Variants in THRB observed in about 807,000 individuals in gnomAD.
The protein encoded by THRB is thyroid hormone receptor beta.
Under a neutral mutation model 47.8 loss-of-function variants are expected in THRB, and 12 were observed. The ratio of observed to expected loss-of-function variants is 0.25; its 90% CI spans 0.16 to 0.41. The LOEUF is 0.41. Among genes scored for constraint, THRB ranks in the 10% least tolerant of loss-of-function variants. The pLI, the probability that THRB is intolerant of heterozygous loss-of-function variation, is 1.00. For missense variants in THRB, 348 were observed against 589.2 expected, an observed-to-expected ratio of 0.59 and a Z score of 4.24; for synonymous variants, 218 against 212.2, an observed-to-expected ratio of 1.03 and a Z score of -0.24.
At chr3:24,161,430 GGA>G (rs1436102983) in intron 5 of THRB, among the ~76,000 whole-genome samples, 1 of 152,064 alleles carries the variant, frequency 6.6e-6, no homozygotes, top group East Asian at 1.9e-4. Flanking sequence ...AATAAGGATG[GGA>G]GAGAGAGGGA....
chr3:24,305,948 T>C (rs1436034238), intron 2 of THRB, among the ~76,000 whole-genome samples: 2 of 152,198 alleles, frequency 1.3e-5, no homozygotes, highest in Non-Finnish European at 2.9e-5. Context: ...AATCTGAGTC[T>C]ATCTCCTCCC....
At chr3:24,165,348 A>G in intron 5 of THRB, 1 of 760,954 alleles carries the variant, frequency 1.3e-6, no homozygotes, top group Admixed American at 1.7e-5. Context: ...TGCATACAGT[A>G]GTTCATTTTG....
At chr3:24,421,460 T>C (rs1178001407) in intron 1 of THRB, among the ~76,000 whole-genome samples, 1 of 151,734 alleles carries the variant, frequency 6.6e-6, no homozygotes, top group Non-Finnish European at 1.5e-5. Flanking sequence ...CAGGAAAAAG[T>C]ACTAACCCAG....
intron 3 of THRB, among the ~76,000 whole-genome samples, chr3:24,273,148 C>CACA (rs2053533799): frequency 1.3e-5 from 2 of 151,414 alleles, no homozygotes; most frequent in Non-Finnish European, 2.9e-5. Flanking sequence ...ACACACACAC[C>CACA]CACACACACC....
chr3:24,461,137 G>A (rs1439872022), intron 1 of THRB, among the ~76,000 whole-genome samples: 2 of 152,172 alleles, frequency 1.3e-5, no homozygotes, highest in African/African-American at 4.8e-5. Context: ...TGGAATATGA[G>A]TCACTAAGAA....
chr3:24,413,333 AGGGTGGTCTCCCC>A (rs934169811), intron 1 of THRB, among the ~76,000 whole-genome samples: 8 of 151,952 alleles, frequency 5.3e-5, no homozygotes, highest in African/African-American at 1.9e-4. Context: ...AGTGGGCTGA[AGGGTGGTCTCCCC>A]AAAAATATGT....
At chr3:24,378,276 G>A (rs1294259276) in intron 1 of THRB, among the ~76,000 whole-genome samples, 1 of 152,144 alleles carries the variant, frequency 6.6e-6, no homozygotes, top group African/African-American at 2.4e-5. Context: ...AGAAAAGATT[G>A]TTTGTGCAGG....
chr3:24,337,083 CTCT>C (rs2062309204), intron 2 of THRB, among the ~76,000 whole-genome samples: 1 of 152,152 alleles, frequency 6.6e-6, no homozygotes, highest in Admixed American at 6.6e-5. Flanking sequence ...TGCCCTGTTA[CTCT>C]TCTTTTCTCG....
chr3:24,425,519 C>G (rs1173947294), intron 1 of THRB, among the ~76,000 whole-genome samples: 2 of 151,764 alleles, frequency 1.3e-5, no homozygotes, highest in Non-Finnish European at 2.9e-5. Context: ...AGAAAAATAT[C>G]ATAAATACTC....
intron 3 of THRB, among the ~76,000 whole-genome samples, chr3:24,255,162 G>C (rs894876687): frequency 6.6e-6 from 1 of 151,940 alleles, no homozygotes; most frequent in Non-Finnish European, 1.5e-5. Flanking sequence ...TCATCCCATC[G>C]GTCCAGTATT....
At chr3:24,248,735 C>T (rs1250136864) in intron 3 of THRB, among the ~76,000 whole-genome samples, 3 of 152,148 alleles carry the variant, frequency 2.0e-5, no homozygotes, top group African/African-American at 4.8e-5. Flanking sequence ...AGTCCCTTTG[C>T]GTCCCTCAGA....
chr3:24,167,263 G>A (rs2039768988), intron 5 of THRB, among the ~76,000 whole-genome samples: 1 of 152,138 alleles, frequency 6.6e-6, no homozygotes, highest in Non-Finnish European at 1.5e-5. Context: ...GCAAAAGCAT[G>A]TTCGTCAGTT....
At chr3:24,336,749 T>C (rs531529906) in intron 2 of THRB, among the ~76,000 whole-genome samples, 1 of 145,802 alleles carries the variant, frequency 6.9e-6, no homozygotes, top group South Asian at 2.2e-4. Context: ...TGAGATGGAG[T>C]CTCACTCTGT....
intron 1 of THRB, among the ~76,000 whole-genome samples, chr3:24,378,186 A>C (rs1195686992): frequency 6.6e-6 from 1 of 152,168 alleles, no homozygotes; most frequent in Non-Finnish European, 1.5e-5. Context: ...TTAGAAAAAA[A>C]ATCACACTTT....
At chr3:24,198,103 G>A (rs1460483873) in intron 4 of THRB, among the ~76,000 whole-genome samples, 1 of 152,186 alleles carries the variant, frequency 6.6e-6, no homozygotes, top group East Asian at 1.9e-4. Context: ...CCTGGCCTGG[G>A]AACTTTTAAC....
At chr3:24,387,127 C>T (rs1160487409) in intron 1 of THRB, among the ~76,000 whole-genome samples, 1 of 152,066 alleles carries the variant, frequency 6.6e-6, no homozygotes, top group Non-Finnish European at 1.5e-5. Context: ...TTTATGGCTG[C>T]CTTACTTCAC....
chr3:24,146,891 G>A (rs938857320), intron 6 of THRB, 69 bp from the exon 7 acceptor site: 13 of 1,459,776 alleles, frequency 8.9e-6, no homozygotes, highest in Middle Eastern at 1.9e-4. Context: ...CTGGAATTTT[G>A]TGTCCATATA....
At chr3:24,132,431 T>C (rs748264045) in intron 9 of THRB, among the ~76,000 whole-genome samples, 3 of 152,262 alleles carry the variant, frequency 2.0e-5, no homozygotes, top group African/African-American at 4.8e-5. Context: ...GGAATACTTA[T>C]TATAACCCAG....
chr3:24,431,894 T>C (rs550677728), intron 1 of THRB, among the ~76,000 whole-genome samples: 1 of 152,100 alleles, frequency 6.6e-6, no homozygotes, highest in Admixed American at 6.6e-5. Context: ...TGTAGGAACA[T>C]ATATATGACA....
Sources: gnomAD v4.1 joint callset for allele counts (sites outside exome capture counted in the v4.1 genomes callset) on GRCh38, gnomAD v4.1.1 for gene constraint, MANE v1.5 for transcripts, NCBI Gene and HGNC (gene_info 2026-07-23, HGNC 2026-07-21) for gene names.